The following DPP10 variants were observed in gnomAD, a reference collection of about 807,000 sequenced individuals.
The protein encoded by DPP10 is dipeptidyl peptidase like 10, also known as inactive dipeptidyl peptidase 10.
DPP10 carries 33 observed loss-of-function variants against 120.9 expected under a neutral mutation model. That is an observed-to-expected ratio of 0.27 (90% CI 0.21 to 0.37). The LOEUF (loss-of-function observed/expected upper bound fraction) is 0.37. DPP10 is among the 10% of genes least tolerant of loss of function. The pLI is 1.00. For missense variants in DPP10, 816 were observed against 942.8 expected (o/e 0.87, Z 1.76); for synonymous variants, 337 against 326.1 (o/e 1.03, Z -0.36).
chr2:115,663,866 G>A (rs929040683), intron 5 of DPP10, among the ~76,000 whole-genome samples: 5 of 151,856 alleles, frequency 3.3e-5, no homozygotes, highest in African/African-American at 7.3e-5. Context: ...GTGGTGGCGT[G>A]CACCTGCAAT....
At chr2:115,715,288 G>A (rs1485367450) in intron 7 of DPP10, among the ~76,000 whole-genome samples, 2 of 120,014 alleles carry the variant, frequency 1.7e-5, no homozygotes, top group Admixed American at 1.2e-4. Context: ...GCAATGAGCC[G>A]AGATCGCGCC....
chr2:115,767,556 C>G (rs1198886050), intron 12 of DPP10, among the ~76,000 whole-genome samples: 1 of 150,854 alleles, frequency 6.6e-6, no homozygotes, highest in Non-Finnish European at 1.5e-5. Context: ...TGTATATATA[C>G]ACACACATAA....
intron 1 of DPP10, among the ~76,000 whole-genome samples, chr2:114,802,756 C>T (rs1236997665): frequency 1.3e-5 from 2 of 152,092 alleles, no homozygotes; most frequent in Admixed American, 1.3e-4. Context: ...ATGCTCTCAC[C>T]AAGGAGAGAA....
intron 1 of DPP10, among the ~76,000 whole-genome samples, chr2:114,762,554 G>T (rs944121633): frequency 6.6e-6 from 1 of 152,192 alleles, no homozygotes; most frequent in African/African-American, 2.4e-5. Context: ...ATAAAAGGAA[G>T]CAGAACACAG....
intron 1 of DPP10, among the ~76,000 whole-genome samples, chr2:114,877,772 C>T (rs35612935): frequency 0.53 from 79,769 of 151,660 alleles, 21,237 homozygotes; most frequent in East Asian, 0.69. Context: ...GTCATGAAGC[C>T]ATGAAGCTGT....
chr2:114,566,927 T>C (rs889563283), intron 1 of DPP10, among the ~76,000 whole-genome samples: 1 of 152,204 alleles, frequency 6.6e-6, no homozygotes, highest in African/African-American at 2.4e-5. Context: ...CATCAGTATC[T>C]TCATACTCAG....
At chr2:115,156,368 G>T (rs949354975) in intron 1 of DPP10, among the ~76,000 whole-genome samples, 1 of 152,072 alleles carries the variant, frequency 6.6e-6, no homozygotes, top group Non-Finnish European at 1.5e-5. Flanking sequence ...GATGCTCTAG[G>T]GCTATTGCAC....
chr2:115,252,409 T>A (rs934050866), intron 1 of DPP10, among the ~76,000 whole-genome samples: 1 of 152,190 alleles, frequency 6.6e-6, no homozygotes, highest in South Asian at 2.1e-4. Context: ...CTGACTGCAA[T>A]GGGCTGTTAA....
intron 3 of DPP10, among the ~76,000 whole-genome samples, chr2:115,422,088 G>A (rs1373950392): frequency 1.3e-5 from 2 of 152,020 alleles, no homozygotes; most frequent in Non-Finnish European, 2.9e-5. Flanking sequence ...GCCACTATGG[G>A]AGATTCTTTA....
At chr2:115,349,526 C>T (rs948613102) in intron 3 of DPP10, among the ~76,000 whole-genome samples, 3 of 151,958 alleles carry the variant, frequency 2.0e-5, no homozygotes, top group South Asian at 2.1e-4. Context: ...CAAATGGTAG[C>T]GATTCATAGA....
At chr2:114,961,654 T>C (rs913206053) in intron 1 of DPP10, among the ~76,000 whole-genome samples, 2 of 152,158 alleles carry the variant, frequency 1.3e-5, no homozygotes, top group African/African-American at 4.8e-5. Flanking sequence ...GTATGGAATG[T>C]ATGCTTTATC....
Position 115,791,190 on chromosome 2 carries a change from G to A in DPP10, c.1630+11G>A, listed in dbSNP as rs747052323. ...ATATTGACGACTATGGTAAAATTTT[G>A]TGCATGCTATGTTATTCAAGAACAA... On this transcript the variant is annotated intron_variant, in intron 18 of 25. Coordinates refer to ENST00000410059, the MANE Select transcript of DPP10 (RefSeq NM_020868.6). 2 of 1,611,408 alleles carry A rather than the reference G, an allele frequency of 1.2e-6. No individual in the cohort carries two copies. Among genetic ancestry groups the A allele is most frequent in the African/African-American group, 1.3e-5 (1 of 74,774 alleles).
chr2:114,711,154 A>G (rs1465731598), intron 1 of DPP10, among the ~76,000 whole-genome samples: 4 of 152,168 alleles, frequency 2.6e-5, no homozygotes, highest in Non-Finnish European at 5.9e-5. Flanking sequence ...TTTACCCATC[A>G]ACGTTTGAGT....
rs191508366 is a variant in DPP10 at position 114,827,659 on chromosome 2, A to G, written c.60+384821A>G. Among the ~76,000 whole-genome samples, 4 of 152,234 alleles carry G rather than the reference A, an allele frequency of 2.6e-5. No individual in the cohort carries two copies. The East Asian group carries it at 7.7e-4, about 29-fold the overall frequency. The stretch of plus-strand genomic sequence containing the variant: ...TGTGCATGCATGTGTGTGTGCATGT[A>G]CAAGTGTTTAATCCATTAGTCTCTT... On this transcript the variant is annotated intron_variant, in intron 1 of 25. Coordinates refer to ENST00000410059, the MANE Select transcript of DPP10 (RefSeq NM_020868.6).
rs559604090 is a variant in DPP10, at chr2:114,927,733, G to A, written c.61-381506G>A. On this transcript the variant is annotated intron_variant, in intron 1 of 25. Coordinates refer to ENST00000410059, the MANE Select transcript of DPP10 (RefSeq NM_020868.6). The stretch of plus-strand genomic sequence containing the variant: ...GTGTTGCAATAAAGGAGTATCTGAA[G>A]TTGGGTAATTTATAAAGAAAAGAGG... Among the ~76,000 whole-genome samples the A allele has an allele frequency of 6.6e-5, 10 of 152,306 alleles. No homozygotes were observed. The South Asian group carries it at 1.9e-3, about 28-fold the overall frequency.
intron 1 of DPP10, among the ~76,000 whole-genome samples, chr2:115,233,425 G>A (rs529216835): frequency 3.9e-5 from 6 of 152,214 alleles, no homozygotes; most frequent in African/African-American, 1.4e-4. Flanking sequence ...ATGCAGTCCC[G>A]TGTGTGATTA....
chr2:114,457,839 G>A (rs1678666903), intron 1 of DPP10, among the ~76,000 whole-genome samples: 1 of 152,130 alleles, frequency 6.6e-6, no homozygotes, highest in Non-Finnish European at 1.5e-5. Context: ...GGCCAAAGTA[G>A]CACAGCTATC....
chr2:115,619,336 A>T (rs896623886), intron 5 of DPP10, among the ~76,000 whole-genome samples: 3 of 151,694 alleles, frequency 2.0e-5, no homozygotes, highest in Non-Finnish European at 4.4e-5. Flanking sequence ...CGGCATCCCA[A>T]AGTGCTGGGA....
At chr2:115,733,780 G>A (rs923651484) in intron 8 of DPP10, among the ~76,000 whole-genome samples, 6 of 152,142 alleles carry the variant, frequency 3.9e-5, no homozygotes, top group African/African-American at 1.2e-4. Flanking sequence ...ATGTTTTTAA[G>A]TGCCTGTGAT....
Sources: gnomAD v4.1 joint callset for allele counts (sites outside exome capture counted in the v4.1 genomes callset) on GRCh38, gnomAD v4.1.1 for gene constraint, MANE v1.5 for transcripts, NCBI Gene and HGNC (gene_info 2026-07-23, HGNC 2026-07-21) for gene names.